THAP6: variants seen among roughly 807,000 people sequenced by gnomAD.
The protein encoded by THAP6 is THAP domain-containing protein 6.
In THAP6, 13 loss-of-function variants were observed where a neutral mutation model predicts 20.0. The observed-to-expected ratio is 0.65, with a 90% CI of 0.42 to 1.03. The LOEUF (loss-of-function observed/expected upper bound fraction) is 1.03, where lower values mean the gene tolerates loss of function less well. Among genes scored for constraint, THAP6 ranks in the 50% least tolerant of loss-of-function variants. THAP6 has a pLI of 0.00. For synonymous variants in THAP6, 93 were observed against 92.2 expected, an observed-to-expected ratio of 1.01 and a Z score of -0.05; for missense variants, 262 against 261.6, an observed-to-expected ratio of 1.00 and a Z score of -0.01.
At chr4:75,534,323 A>G (rs1177925794), downstream of THAP6, among the ~76,000 whole-genome samples, 3 of 152,332 alleles carry the variant, frequency 2.0e-5, no homozygotes, top group East Asian at 1.9e-4. Context: ...AGGTTTCCCT[A>G]TTTAACAAAT....
At chr4:75,516,459 AT>A (rs1465564729) in intron 2 of THAP6, among the ~76,000 whole-genome samples, 2 of 152,270 alleles carry the variant, frequency 1.3e-5, no homozygotes, top group Non-Finnish European at 2.9e-5. Context: ...TTCTTTTATC[AT>A]CTATAGATGA....
Position 75,527,257 on chromosome 4 carries a change from A to G in THAP6, c.*43A>G. The G allele has an allele frequency of 6.4e-7, 1 of 1,572,042 alleles. No homozygotes were observed. On this transcript the variant is annotated 3_prime_UTR_variant, in exon 5 of 5. Transcript: ENST00000311638. ...TTCCACCTAAAATTGTCATTGGTAC[A>G]AATTTTTATAAAATCTCATTTACCA...
chr4:75,529,949 T>G lies in THAP6; in HGVS notation c.*2735T>G. ...TATATATTTAGTTTTAATAAAAAGA[T>G]AAAATTATTACAGAAATAATTGAGA... is the stretch of plus-strand genomic sequence containing the variant. On this transcript the variant is annotated 3_prime_UTR_variant, in exon 5 of 5. Coordinates refer to ENST00000311638, the MANE Select transcript of THAP6 (RefSeq NM_144721.6). The G allele has an allele frequency of 1.1e-6, 1 of 871,752 alleles. No individual in the cohort carries two copies. Among genetic ancestry groups the G allele is most frequent in the Non-Finnish European group, 1.4e-6 (1 of 726,378 alleles). The allele number at this position is 871,752 out of a possible 1,614,324, so 54.0% of individuals were successfully genotyped here.
Position 75,542,411 on chromosome 4 carries a change from A to T in THAP6, c.168A>T (p.Ile56=), listed in dbSNP as rs184139139. 1,173 of 701,858 alleles carry T rather than the reference A, an allele frequency of 1.7e-3. 8 individuals carry two copies. The African/African-American group carries it at 0.017, about 10-fold the overall frequency. The allele number at this position is 701,858 out of a possible 1,614,324, so 43.5% of individuals were successfully genotyped here. A position where few individuals can be genotyped will look rare whatever the true frequency, so the allele number is the denominator to read the frequency against. ...TTTCTGCCTGTGTTTTGTTTCAGAT[A>T]TCCATGTTCAAGAGGAAATGTTTGT... is the stretch of plus-strand genomic sequence containing the variant. The change falls in exon 3 of 5, where the codon ATA becomes ATT. Residue 56 remains isoleucine, a splice_region_variant and synonymous_variant. Coordinates refer to the THAP6 transcript ENST00000502620.
intron 2 of THAP6, chr4:75,542,403 T>G (rs1560553488): frequency 4.3e-6 from 3 of 701,384 alleles, no homozygotes; most frequent in Non-Finnish European, 7.8e-6. Context: ...CTGTGTTTTG[T>G]TTCAGATATC....
downstream of THAP6, among the ~76,000 whole-genome samples, chr4:75,531,638 C>A (rs1726682187): frequency 1.3e-5 from 2 of 152,090 alleles, no homozygotes; most frequent in Non-Finnish European, 2.9e-5. Context: ...AGACTGAGCA[C>A]TTTATAAAAG....
At chr4:75,524,147 A>G (rs535282372) in intron 4 of THAP6, among the ~76,000 whole-genome samples, 78 of 152,086 alleles carry the variant, frequency 5.1e-4, no homozygotes, top group African/African-American at 1.9e-3. Context: ...AGTTTATGGC[A>G]TCTTTAACTT....
At chr4:75,540,057 A>T (rs1726963485) in intron 2 of THAP6, 6 of 1,374,352 alleles carry the variant, frequency 4.4e-6, no homozygotes, top group Non-Finnish European at 5.8e-6. Flanking sequence ...TTCAATCACC[A>T]TCCTCCTCTT....
intron 3 of THAP6, among the ~76,000 whole-genome samples, chr4:75,518,227 A>G (rs1725787275): frequency 6.6e-6 from 1 of 152,242 alleles, no homozygotes; most frequent in South Asian, 2.1e-4. Flanking sequence ...TAAGTTACCA[A>G]CTTTCAAAAA....
intron 2 of THAP6, among the ~76,000 whole-genome samples, chr4:75,515,881 C>G (rs1725576164): frequency 6.6e-6 from 1 of 152,202 alleles, no homozygotes; most frequent in South Asian, 2.1e-4. Context: ...ATATATTGCC[C>G]TCTCTATTTA....
intron 3 of THAP6, chr4:75,544,571 G>C (rs1225286987): frequency 1.3e-5 from 2 of 152,134 alleles, no homozygotes; most frequent in African/African-American, 4.8e-5. Context: ...GGCCAGGCTG[G>C]TCTCAAACTT....
rs1365106903 is a variant in THAP6, at chr4:75,515,456, G to A, written c.4G>A (p.Val2Met). 6.2e-7 allele frequency: 1 copy of A among 1,613,680 alleles called. No homozygotes were observed. Among genetic ancestry groups the A allele is most frequent in the Middle Eastern group, 1.7e-4 (1 of 6,058 alleles). The change falls in exon 2 of 5, where the codon GTG becomes ATG. Residue 2 changes from valine (V) to methionine (M), a missense_variant. Coordinates refer to ENST00000311638, the MANE Select transcript of THAP6 (RefSeq NM_144721.6). M[V>M]KCCSAIGCAS... ...AGTTTTGTTATGAGTTGCTAAAATG[G>A]TGAAATGCTGCTCCGCCATTGGATG...
Position 75,527,923 on chromosome 4 carries a change from T to C in THAP6, c.*709T>C. On this transcript the variant is annotated 3_prime_UTR_variant, in exon 5 of 5. Transcript: ENST00000311638. Reference sequence around the variant, plus strand: ...CAAAAAGGATCGTAGATCTGATTTTTAAATGGTTGGTTGCTCTGACAGATC... The same window carrying C: ...CAAAAAGGATCGTAGATCTGATTTTCAAATGGTTGGTTGCTCTGACAGATC... 1 of 985,474 alleles carries C rather than the reference T, an allele frequency of 1.0e-6. No homozygotes were observed. Among genetic ancestry groups the C allele is most frequent in the Non-Finnish European group, 1.2e-6 (1 of 829,938 alleles). 61.0% of individuals were successfully genotyped at this position (985,474 alleles called of 1,614,324 possible).
At chr4:75,514,294 A>AC (rs1560536602), upstream of THAP6, 1 of 1,606,058 alleles carries the variant, frequency 6.2e-7, no homozygotes, top group Admixed American at 1.7e-5. Context: ...CATCTCCTCC[A>AC]CCTCCCCTCA....
downstream of THAP6, among the ~76,000 whole-genome samples, chr4:75,533,891 C>T (rs977600272): frequency 6.6e-6 from 1 of 151,966 alleles, no homozygotes; most frequent in Admixed American, 6.6e-5. Flanking sequence ...ATGTATATAT[C>T]CTAATGCTAT....
intron 3 of THAP6, among the ~76,000 whole-genome samples, chr4:75,519,777 C>A (rs1222996393): frequency 6.6e-6 from 1 of 151,406 alleles, no homozygotes; most frequent in Non-Finnish European, 1.5e-5. Context: ...TGAATAATGC[C>A]GCAATAAACA....
In THAP6 at chr4:75,528,197, G is replaced by C. The variant is rs930490155; in HGVS notation, c.*983G>C. ...TAGGGGAGTAGATTATTGTCCAAAGGCTTTTATTTAGAGAAACGGGTAATT... is the reference window on the plus strand; with the variant it reads ...TAGGGGAGTAGATTATTGTCCAAAGCCTTTTATTTAGAGAAACGGGTAATT... On this transcript the variant is annotated 3_prime_UTR_variant, in exon 5 of 5. Coordinates refer to ENST00000311638, the MANE Select transcript of THAP6 (RefSeq NM_144721.6). 1.5e-5 allele frequency: 15 copies of C among 985,132 alleles called. No individual in the cohort carries two copies. Among genetic ancestry groups the C allele is most frequent in the Admixed American group, 6.2e-5 (1 of 16,260 alleles). The allele number at this position is 985,132 out of a possible 1,614,324, so 61.0% of individuals were successfully genotyped here.
At chr4:75,543,279 T>C (rs769837366) in intron 3 of THAP6, among the ~76,000 whole-genome samples, 1 of 152,252 alleles carries the variant, frequency 6.6e-6, no homozygotes, top group Non-Finnish European at 1.5e-5. Context: ...TTTCATTCTC[T>C]ATGTGATTTG....
At chr4:75,537,561 G>A (rs1489206002) in intron 2 of THAP6, among the ~76,000 whole-genome samples, 2 of 152,084 alleles carry the variant, frequency 1.3e-5, no homozygotes, top group Non-Finnish European at 2.9e-5. Context: ...CCCCCGCCAC[G>A]TGGAACTGTG....
Sources: allele counts gnomAD v4.1 joint callset (sites outside exome capture counted in the v4.1 genomes callset), GRCh38; gene constraint gnomAD v4.1.1; transcripts MANE v1.5; gene names NCBI Gene and HGNC (gene_info 2026-07-23, HGNC 2026-07-21).